Variants in SLC9A4 observed in about 807,000 individuals in gnomAD.
SLC9A4 encodes sodium/hydrogen exchanger 4.
Under a neutral mutation model 67.4 loss-of-function variants are expected in SLC9A4, and 63 were observed. The observed-to-expected ratio is 0.93, with a 90% CI of 0.76 to 1.15. The LOEUF (loss-of-function observed/expected upper bound fraction) is 1.15, where lower values mean the gene tolerates loss of function less well. Ranked by LOEUF, SLC9A4 falls within the 50% of genes most tolerant of loss-of-function variation. The pLI, the probability that SLC9A4 is intolerant of heterozygous loss-of-function variation, is 0.00. For synonymous variants in SLC9A4, 393 were observed against 367.2 expected (o/e 1.07, Z -0.80); for missense variants, 1,089 against 987.7 (o/e 1.10, Z -1.38).
At chr2:102,527,653 A>G (rs1384718330) in intron 11 of SLC9A4, among the ~76,000 whole-genome samples, 1 of 152,190 alleles carries the variant, frequency 6.6e-6, no homozygotes, top group African/African-American at 2.4e-5. Context: ...ATATATTGTC[A>G]AAACACCATC....
chr2:102,501,527 G>C (rs749651477), intron 2 of SLC9A4, among the ~76,000 whole-genome samples: 1 of 152,108 alleles, frequency 6.6e-6, no homozygotes, highest in Non-Finnish European at 1.5e-5. Context: ...TTACAGGCAT[G>C]AGCCACCACG....
intron 2 of SLC9A4, among the ~76,000 whole-genome samples, chr2:102,500,993 C>G (rs1200921798): frequency 4.1e-5 from 6 of 147,660 alleles, no homozygotes; most frequent in African/African-American, 1.5e-4. Context: ...GAGTTTCGCT[C>G]TTGTCACCCA....
chr2:102,493,336 T>C (rs1684742805), intron 2 of SLC9A4, among the ~76,000 whole-genome samples: 1 of 151,854 alleles, frequency 6.6e-6, no homozygotes, highest in Admixed American at 6.5e-5. Context: ...TATGAAGAAA[T>C]ACCCAAGACT....
In SLC9A4 at chr2:102,533,011, G is replaced by A. The variant is rs565690768; in HGVS notation, c.*323G>A. 1.1e-3 allele frequency: 247 copies of A among 225,558 alleles called. 1 individual carries two copies. Among genetic ancestry groups the A allele is most frequent in the African/African-American group, 5.3e-3 (236 of 44,940 alleles). 14.0% of individuals were successfully genotyped at this position (225,558 alleles called of 1,614,324 possible). A position where few individuals can be genotyped will look rare whatever the true frequency, so the allele number is the denominator to read the frequency against. On this transcript the variant is annotated 3_prime_UTR_variant, in exon 12 of 12. Transcript: ENST00000295269. ...CCAAGCCATATATTGAAATACAAGC[G>A]TGATTAATCAGTAATTCACATTGCC...
chr2:102,526,089 T>C (rs747550632), intron 10 of SLC9A4, among the ~76,000 whole-genome samples, 170 bp from the exon 11 acceptor site: 2 of 152,210 alleles, frequency 1.3e-5, no homozygotes, highest in African/African-American at 2.4e-5. Flanking sequence ...GGTTTCACCA[T>C]GTTGGCCAGG....
chr2:102,491,327 T>C (rs1414030363), intron 2 of SLC9A4, among the ~76,000 whole-genome samples: 1 of 71,964 alleles, frequency 1.4e-5, no homozygotes, highest in Non-Finnish European at 2.4e-5. Context: ...CTTTTTTTTT[T>C]TTTTTTTTTT....
chr2:102,500,062 G>A (rs59694233), intron 2 of SLC9A4, among the ~76,000 whole-genome samples: 23,916 of 152,168 alleles, frequency 0.16, 2,245 homozygotes, highest in African/African-American at 0.26. Flanking sequence ...GGATAGGATC[G>A]TAACTGGAAA....
Position 102,525,141 on chromosome 2 carries a change from C to T in SLC9A4, c.1936C>T (p.Pro646Ser), listed in dbSNP as rs763020820. The T allele has an allele frequency of 6.2e-7, 1 of 1,613,928 alleles. No individual in the cohort carries two copies. Among genetic ancestry groups the T allele is most frequent in the Admixed American group, 1.7e-5 (1 of 60,018 alleles). ...GAGCATGAGGAAAGGTCACAGCCTGCCCTGGGGAAAGCCGGTACATTGGGG... is the reference window on the plus strand; with the variant it reads ...GAGCATGAGGAAAGGTCACAGCCTGTCCTGGGGAAAGCCGGTACATTGGGG... ...RESMRKGHSL[P>S]WGKPAGTKNI... The change falls in exon 10 of 12, where the codon CCC (proline) becomes TCC (serine). Residue 646 changes from proline to serine, a missense_variant. Physicochemically the swap from Pro to Ser is moderately conservative, Grantham distance 74. Coordinates refer to ENST00000295269, the MANE Select transcript of SLC9A4 (RefSeq NM_001011552.4).
intron 6 of SLC9A4, among the ~76,000 whole-genome samples, chr2:102,510,300 T>C (rs190738789): frequency 6.6e-6 from 1 of 152,240 alleles, no homozygotes; most frequent in African/African-American, 2.4e-5. Context: ...TAGATATAGA[T>C]ATAGATATAG....
intron 9 of SLC9A4, among the ~76,000 whole-genome samples, chr2:102,520,687 T>G (rs749087528): frequency 1.4e-4 from 21 of 152,252 alleles, no homozygotes; most frequent in Non-Finnish European, 1.5e-5. Context: ...GTTTTGTGAC[T>G]GTGTCGTTGA....
At chr2:102,529,438 G>A (rs1674733613) in intron 11 of SLC9A4, among the ~76,000 whole-genome samples, 1 of 152,116 alleles carries the variant, frequency 6.6e-6, no homozygotes, top group Non-Finnish European at 1.5e-5. Context: ...GTTCTTATTT[G>A]TCATGGAAAC....
chr2:102,518,093 C>A (rs934501550), intron 8 of SLC9A4, among the ~76,000 whole-genome samples: 1 of 152,134 alleles, frequency 6.6e-6, no homozygotes, highest in African/African-American at 2.4e-5. Flanking sequence ...TCCATAGCTG[C>A]GGCTTCTCAG....
intron 11 of SLC9A4, among the ~76,000 whole-genome samples, chr2:102,529,063 C>A (rs976295131): frequency 6.6e-6 from 1 of 152,144 alleles, no homozygotes; most frequent in African/African-American, 2.4e-5. Context: ...AGTCTGGAAC[C>A]AAGTAGATGT....
intron 1 of SLC9A4, among the ~76,000 whole-genome samples, chr2:102,475,369 C>T (rs1684305844): frequency 6.6e-6 from 1 of 152,228 alleles, no homozygotes; most frequent in African/African-American, 2.4e-5. Context: ...GCTTCCTCTT[C>T]ACAGAAATGG....
rs1050049336 is a variant in SLC9A4 at position 102,510,785 on chromosome 2, G to A, written c.1489-1418G>A. On this transcript the variant is annotated intron_variant, in intron 6 of 11. Coordinates refer to ENST00000295269, the MANE Select transcript of SLC9A4 (RefSeq NM_001011552.4). ...TATTACTTCTTTTGCAAACATGGCCGAGTGGCAGATTTTAGTGAAAACATC... is the reference window on the plus strand; with the variant it reads ...TATTACTTCTTTTGCAAACATGGCCAAGTGGCAGATTTTAGTGAAAACATC... Among the ~76,000 whole-genome samples, 9 of 152,254 alleles carry A rather than the reference G, an allele frequency of 5.9e-5. No homozygotes were observed. The Middle Eastern group carries it at 0.01, about 173-fold the overall frequency.
Position 102,482,664 on chromosome 2 carries a change from G to C in SLC9A4, c.720+3362G>C, listed in dbSNP as rs551587466. 3.9e-5 allele frequency among the ~76,000 whole-genome samples: 6 copies of C among 152,158 alleles called. No individual in the cohort carries two copies. In the South Asian group the frequency reaches 6.2e-4, roughly 16 times the overall value. On this transcript the variant is annotated intron_variant, in intron 2 of 11. Transcript: ENST00000295269. ...ATCCAAGTTTTTTGGAGGTTATTTG[G>C]TTACTCTCACCCGCACTACTGACAA...
At chr2:102,495,977 A>C (rs940373025) in intron 2 of SLC9A4, among the ~76,000 whole-genome samples, 1 of 152,178 alleles carries the variant, frequency 6.6e-6, no homozygotes, top group Non-Finnish European at 1.5e-5. Context: ...TGGAGTAGTC[A>C]AAAGACAGGA....
At chr2:102,494,528 T>C (rs1236325838) in intron 2 of SLC9A4, among the ~76,000 whole-genome samples, 1 of 152,100 alleles carries the variant, frequency 6.6e-6, no homozygotes, top group African/African-American at 2.4e-5. Context: ...AACGCTCCAA[T>C]TAAAAGTCAG....
intron 2 of SLC9A4, among the ~76,000 whole-genome samples, chr2:102,500,347 G>GAA (rs1684899544): frequency 5.9e-5 from 9 of 152,320 alleles, no homozygotes; most frequent in African/African-American, 2.2e-4. Context: ...GACATCTCGA[G>GAA]TCCAGACTCT....
Sources: gnomAD v4.1 joint callset for allele counts (sites outside exome capture counted in the v4.1 genomes callset) on GRCh38, gnomAD v4.1.1 for gene constraint, MANE v1.5 for transcripts, NCBI Gene and HGNC (gene_info 2026-07-23, HGNC 2026-07-21) for gene names.